WDR26: variants seen among roughly 807,000 people sequenced by gnomAD.
WDR26 encodes WD repeat domain 26, also known as WD repeat-containing protein 26.
WDR26 carries 5 observed loss-of-function variants against 84.1 expected under a neutral mutation model. The observed-to-expected ratio is 0.06, with a 90% CI of 0.03 to 0.13. The LOEUF is 0.13. Among genes scored for constraint, WDR26 ranks in the 10% least tolerant of loss-of-function variants. The probability of loss-of-function intolerance (pLI) is 1.00; values close to 1 mark genes in which losing one functional copy is unlikely to be tolerated. For synonymous variants in WDR26, 415 were observed against 389.6 expected (o/e 1.07, Z -0.77); for missense variants, 642 against 974.9 (o/e 0.66, Z 4.55).
chr1:224,408,760 T>C (rs759940200), intron 7 of WDR26, among the ~76,000 whole-genome samples: 19 of 152,176 alleles, frequency 1.2e-4, no homozygotes, highest in South Asian at 2.1e-4. Context: ...TTTCGACTTG[T>C]AAAGCTTCCC....
Position 224,386,874 on chromosome 1 carries a change from A to T in WDR26, c.*2961T>A, listed in dbSNP as rs1673002679. On this transcript the variant is annotated 3_prime_UTR_variant, in exon 14 of 14. Transcript: ENST00000414423. Reference sequence around the variant, plus strand: ...GCTGTTATGAAGACTAAAAAAATACAAAAACCAAAGCTGAAGCTTTGTCAT... The same window carrying T: ...GCTGTTATGAAGACTAAAAAAATACTAAAACCAAAGCTGAAGCTTTGTCAT... 6.6e-6 allele frequency: 1 copy of T among 152,212 alleles called. No homozygotes were observed. The highest frequency in any genetic ancestry group is 1.5e-5 in the Non-Finnish European group (1 of 68,018). The allele number at this position is 152,212 out of a possible 1,614,324, so 9.4% of individuals were successfully genotyped here. A position where few individuals can be genotyped will look rare whatever the true frequency, so the allele number is the denominator to read the frequency against.
In WDR26 at chr1:224,434,156, C is replaced by T; in HGVS notation, c.250G>A (p.Ala84Thr). ...CCGCTACTTCGGTGGGGGACAGCAG[C>T]GGCGGCGGGAGGGGCAGCAGCCGGG... is the stretch of plus-strand genomic sequence containing the variant. The change falls in exon 1 of 14, where the codon GCT (alanine) becomes ACT (threonine). Residue 84 changes from alanine (A) to threonine (T), a missense_variant. This residue lies in a region of WDR26 where 291 missense variants were observed against 302.1 expected (regional missense o/e 0.96). Transcript: ENST00000414423. 2 of 1,416,644 alleles carry T rather than the reference C, an allele frequency of 1.4e-6. No individual in the cohort carries two copies. The highest frequency in any genetic ancestry group is 1.5e-5 in the South Asian group (1 of 64,548). The allele number at this position is 1,416,644 out of a possible 1,614,324, so 87.8% of individuals were successfully genotyped here.
At chr1:224,411,704 C>CA in intron 6 of WDR26, 139 bp from the exon 7 acceptor site, 3 of 727,542 alleles carry the variant, frequency 4.1e-6, no homozygotes, top group Non-Finnish European at 6.1e-6. Flanking sequence ...ATTTGTAAAT[C>CA]TTTTTTTTTT....
intron 3 of WDR26, chr1:224,429,271 AAAC>A (rs1190801910): frequency 1.0e-4 from 16 of 152,426 alleles, no homozygotes; most frequent in African/African-American, 3.9e-4. Flanking sequence ...AAAAAAAAAA[AAAC>A]AAAACAAACA....
intron 4 of WDR26, among the ~76,000 whole-genome samples, chr1:224,421,304 A>C (rs1002720698): frequency 1.3e-5 from 2 of 152,346 alleles, no homozygotes; most frequent in African/African-American, 4.8e-5. Context: ...CAGATACCGC[A>C]TTAAAAAGGT....
At chr1:224,415,290 G>A (rs944913815) in intron 6 of WDR26, among the ~76,000 whole-genome samples, 1 of 151,930 alleles carries the variant, frequency 6.6e-6, no homozygotes, top group East Asian at 1.9e-4. Context: ...GTTCTGTTTC[G>A]GACATGCTGT....
intron 12 of WDR26, among the ~76,000 whole-genome samples, chr1:224,395,071 G>A (rs1372999365): frequency 6.6e-6 from 1 of 152,184 alleles, no homozygotes; most frequent in Admixed American, 6.5e-5. Flanking sequence ...AGTATTGGTT[G>A]AGAGTATGGG....
chr1:224,413,378 T>C (rs1234199228), intron 6 of WDR26: 3 of 1,102,136 alleles, frequency 2.7e-6, no homozygotes, highest in African/African-American at 1.6e-5. Flanking sequence ...ACATTCTTTA[T>C]TTGGTACACA....
chr1:224,404,552 G>A lies in WDR26; in HGVS notation c.1477C>T (p.Leu493=). 1 of 1,612,790 alleles carries A rather than the reference G, an allele frequency of 6.2e-7. No individual in the cohort carries two copies. Among genetic ancestry groups the A allele is most frequent in the East Asian group, 2.2e-5 (1 of 44,776 alleles). Residue 493 remains leucine, a synonymous_variant, in exon 8 of 14, where the codon CTG becomes TTG. Coordinates refer to ENST00000414423, the MANE Select transcript of WDR26 (RefSeq NM_001379403.1). ...GCATGTCCTTCTAATGTTTTAAGCA[G>A]TTTTAGCAGGTGTGTATCCTGGGAG...
intron 1 of WDR26, among the ~76,000 whole-genome samples, chr1:224,432,642 T>C (rs955522049): frequency 1.3e-5 from 2 of 152,202 alleles, no homozygotes; most frequent in Admixed American, 1.3e-4. Context: ...CCGAAATACT[T>C]GTGCCACTTT....
In WDR26 at chr1:224,393,852, A is replaced by G; in HGVS notation, c.2236T>C (p.Phe746Leu). 2 of 1,552,044 alleles carry G rather than the reference A, an allele frequency of 1.3e-6. No homozygotes were observed. The highest frequency in any genetic ancestry group is 1.8e-6 in the Non-Finnish European group (2 of 1,133,420). Residue 746 changes from phenylalanine to leucine, a missense_variant, in exon 13 of 14, where the codon TTT (phenylalanine) becomes CTT (leucine). Phe to Leu is a conservative substitution (Grantham distance 22, BLOSUM62 0). Coordinates refer to ENST00000414423, the MANE Select transcript of WDR26 (RefSeq NM_001379403.1). ...CCTTCAATATTCTGGTGGTCTATAA[A>G]AGGTGCTGGTCCCCATATTCTAACA...
At chr1:224,404,603 CT>C (rs1357051367) in intron 7 of WDR26, 33 bp from the exon 8 acceptor site, 2 of 1,583,432 alleles carry the variant, frequency 1.3e-6, no homozygotes, top group East Asian at 2.3e-5. Flanking sequence ...CAGTTAACCC[CT>C]ATCACTAAAG....
At chr1:224,413,475 A>G (rs1015280994) in intron 6 of WDR26, 4 of 272,800 alleles carry the variant, frequency 1.5e-5, no homozygotes, top group African/African-American at 8.7e-5. Flanking sequence ...TTACTACTAT[A>G]CATGTGTGAT....
At chr1:224,418,721 A>G (rs571394390) in intron 5 of WDR26, among the ~76,000 whole-genome samples, 46 of 152,356 alleles carry the variant, frequency 3.0e-4, no homozygotes, top group African/African-American at 1.1e-3. Context: ...AACAATGAAA[A>G]GAATATTAGA....
chr1:224,409,397 T>C (rs2102903110), intron 7 of WDR26, among the ~76,000 whole-genome samples: 1 of 152,370 alleles, frequency 6.6e-6, no homozygotes, highest in East Asian at 1.9e-4. Flanking sequence ...AAACATATTC[T>C]GAGAAAGAGT....
At chr1:224,410,958 C>A (rs2102904879) in intron 7 of WDR26, among the ~76,000 whole-genome samples, 1 of 152,230 alleles carries the variant, frequency 6.6e-6, no homozygotes. Context: ...TCCCAAAGTG[C>A]TGGGATTACA....
Position 224,434,373 on chromosome 1 carries a change from G to A in WDR26, c.33C>T (p.Ser11=). The A allele has an allele frequency of 1.7e-6, 2 of 1,207,196 alleles. No individual in the cohort carries two copies. The highest frequency in any genetic ancestry group is 1.0e-6 in the Non-Finnish European group (1 of 973,000). 74.8% of individuals were successfully genotyped at this position (1,207,196 alleles called of 1,614,324 possible). The stretch of plus-strand genomic sequence containing the variant: ...TGTCCGAGTCGGAGGAGGAGGAAGC[G>A]GAGGCCAGAGTTTCCTCGCCGAGAG... The change falls in exon 1 of 14, where the codon TCC becomes TCT. Residue 11 remains serine, a synonymous_variant. Transcript: ENST00000414423.
chr1:224,401,315 A>T (rs758489252), intron 8 of WDR26, among the ~76,000 whole-genome samples: 1 of 152,176 alleles, frequency 6.6e-6, no homozygotes, highest in Non-Finnish European at 1.5e-5. Flanking sequence ...GATGAGATAA[A>T]CTTCAATAAA....
chr1:224,389,768 A>G lies in WDR26; in HGVS notation c.*67T>C. On this transcript the variant is annotated 3_prime_UTR_variant, in exon 14 of 14. Coordinates refer to ENST00000414423, the MANE Select transcript of WDR26 (RefSeq NM_001379403.1). ...GCTATCAATCATGTTTGTTTGCACCAAATCCCAAGCCATTAAAATACGACT... is the reference window on the plus strand; with the variant it reads ...GCTATCAATCATGTTTGTTTGCACCGAATCCCAAGCCATTAAAATACGACT... The G allele has an allele frequency of 6.8e-7, 1 of 1,470,082 alleles. No individual in the cohort carries two copies. Among genetic ancestry groups the G allele is most frequent in the Non-Finnish European group, 9.5e-7 (1 of 1,050,772 alleles). 91.1% of individuals were successfully genotyped at this position (1,470,082 alleles called of 1,614,324 possible). A position where few individuals can be genotyped will look rare whatever the true frequency, so the allele number is the denominator to read the frequency against.
Sources: gnomAD v4.1 joint callset for allele counts (sites outside exome capture counted in the v4.1 genomes callset) on GRCh38, gnomAD v4.1.1 for gene constraint, gnomAD v4.1.1 regional missense constraint, MANE v1.5 for transcripts, NCBI Gene and HGNC (gene_info 2026-07-23, HGNC 2026-07-21) for gene names.